PDPR: variants seen among roughly 807,000 people sequenced by gnomAD.
PDPR encodes the protein pyruvate dehydrogenase phosphatase regulatory subunit.
PDPR carries 50 observed loss-of-function variants against 102.2 expected under a neutral mutation model. That is an observed-to-expected ratio of 0.49 (90% confidence interval 0.39 to 0.62). The LOEUF (loss-of-function observed/expected upper bound fraction) is 0.62. PDPR is among the 20% of genes least tolerant of loss of function. PDPR has a pLI of 0.00. For synonymous variants in PDPR, 259 were observed against 406.0 expected, an observed-to-expected ratio of 0.64 and a Z score of 4.35; for missense variants, 625 against 1,098.2, an observed-to-expected ratio of 0.57 and a Z score of 6.09.
In PDPR at chr16:70,156,480, G is replaced by A; in HGVS notation, c.2241G>A (p.Met747Ile). The change falls in exon 19 of 19, where the codon ATG becomes ATA. Residue 747 changes from methionine (M) to isoleucine (I), a missense_variant. By Grantham distance (10) the Met-to-Ile change is conservative (BLOSUM62 1). Transcript: ENST00000288050. ...RESRVKLEKG[M>I]DFIGRDALLQ... ...GCGTTTCCTTTCTTTCTTAGGGCAT[G>A]GATTTCATTGGTCGCGACGCCCTCC... is the stretch of plus-strand genomic sequence containing the variant. The A allele has an allele frequency of 6.2e-7, 1 of 1,613,446 alleles. No homozygotes were observed. Among genetic ancestry groups the A allele is most frequent in the South Asian group, 1.1e-5 (1 of 91,056 alleles).
Position 70,158,173 on chromosome 16 carries a change from G to A in PDPR, c.*1294G>A, listed in dbSNP as rs1967429383. ...CAATGTGGGTGCCCAGAAGTGCCCTGCGCTTTCAGGCAGTGTCTCTGTTTT... is the reference window on the plus strand; with the variant it reads ...CAATGTGGGTGCCCAGAAGTGCCCTACGCTTTCAGGCAGTGTCTCTGTTTT... On this transcript the variant is annotated 3_prime_UTR_variant, in exon 19 of 19. Coordinates refer to ENST00000288050, the MANE Select transcript of PDPR (RefSeq NM_017990.5). 6.6e-6 allele frequency: 1 copy of A among 152,496 alleles called. No homozygotes were observed. The highest frequency in any genetic ancestry group is 1.5e-5 in the Non-Finnish European group (1 of 68,156). The allele number at this position is 152,496 out of a possible 1,614,324, so 9.4% of individuals were successfully genotyped here. A position where few individuals can be genotyped will look rare whatever the true frequency, so the allele number is the denominator to read the frequency against.
chr16:70,124,753 T>TA (rs1963746213), intron 3 of PDPR, among the ~76,000 whole-genome samples: 1 of 152,224 alleles, frequency 6.6e-6, no homozygotes, highest in African/African-American at 2.4e-5. Context: ...TCCACACAGT[T>TA]ACAAAGATGA....
At chr16:70,127,942 C>T (rs575813218) in intron 4 of PDPR, among the ~76,000 whole-genome samples, 45 of 150,870 alleles carry the variant, frequency 3.0e-4, no homozygotes, top group African/African-American at 1.1e-3. Flanking sequence ...CAGGAGCAGC[C>T]TGGCGTGGCT....
chr16:70,126,818 G>A (rs537439758), intron 3 of PDPR, among the ~76,000 whole-genome samples: 1 of 152,260 alleles, frequency 6.6e-6, no homozygotes, highest in Non-Finnish European at 1.5e-5. Context: ...GAGCCACTGT[G>A]CCTGGCCTAA....
chr16:70,163,265 AGTT>A (rs1328724672), downstream of PDPR, among the ~76,000 whole-genome samples: 1 of 139,044 alleles, frequency 7.2e-6, no homozygotes, highest in African/African-American at 2.6e-5. Context: ...ATTTTTGAGT[AGTT>A]TTTTTTTTTT....
At chr16:70,151,621 C>T (rs1388516416) in intron 17 of PDPR, among the ~76,000 whole-genome samples, 1 of 152,280 alleles carries the variant, frequency 6.6e-6, no homozygotes, top group African/African-American at 2.4e-5. Flanking sequence ...GTGGTCAAAC[C>T]TCATCAGGAA....
intron 18 of PDPR, among the ~76,000 whole-genome samples, chr16:70,154,732 C>T (rs11643942): frequency 1.3e-5 from 2 of 152,132 alleles, no homozygotes; most frequent in Non-Finnish European, 2.9e-5. Flanking sequence ...AATGCCCTCT[C>T]ATGCTCAAGT....
chr16:70,148,402 G>A (rs1966410644), intron 16 of PDPR, 62 bp from the exon 17 acceptor site: 2 of 1,151,194 alleles, frequency 1.7e-6, no homozygotes, highest in Non-Finnish European at 2.6e-6. Flanking sequence ...GGTTTCCCCA[G>A]GCGTCCCTCC....
downstream of PDPR, among the ~76,000 whole-genome samples, chr16:70,163,228 G>A (rs113576803): frequency 1.8e-4 from 28 of 151,934 alleles, no homozygotes; most frequent in African/African-American, 4.6e-4. Flanking sequence ...GATTACAGGC[G>A]TGAGCCACTG....
chr16:70,122,908 G>GTT (rs3056427), intron 3 of PDPR, among the ~76,000 whole-genome samples: 10 of 147,944 alleles, frequency 6.8e-5, no homozygotes, highest in South Asian at 2.2e-4. Flanking sequence ...GCAGTGGATA[G>GTT]TTTTTTTTTT....
At chr16:70,154,827 C>CAG (rs1341892798) in intron 18 of PDPR, among the ~76,000 whole-genome samples, 1 of 152,218 alleles carries the variant, frequency 6.6e-6, no homozygotes, top group African/African-American at 2.4e-5. Context: ...TTGGTAAAGA[C>CAG]AGAGTTTCAC....
chr16:70,117,197 T>C (rs1962733708), intron 2 of PDPR, among the ~76,000 whole-genome samples: 2 of 135,612 alleles, frequency 1.5e-5, no homozygotes, highest in South Asian at 4.4e-4. Context: ...TGGTGCATTG[T>C]AACTACTTAT....
rs776532027 is a variant in PDPR at position 70,120,561 on chromosome 16, C to T, written c.69C>T (p.Ser23=). 1.9e-6 allele frequency: 3 copies of T among 1,613,892 alleles called. No individual in the cohort carries two copies. The highest frequency in any genetic ancestry group is 1.3e-5 in the African/African-American group (1 of 74,936). ...QRASPGWQNW[S]SARNSTSAAE... is the part of the protein sequence containing the mutation. ...CCAGCCCAGGATGGCAGAACTGGTC[C>T]TCTGCAAGAAACAGCACGTCAGCTG... Residue 23 remains serine (S), a synonymous_variant, in exon 3 of 19, where the codon TCC becomes TCT. Coordinates refer to ENST00000288050, the MANE Select transcript of PDPR (RefSeq NM_017990.5).
intron 2 of PDPR, 59 bp from the exon 3 acceptor site, chr16:70,120,402 C>A: frequency 2.3e-6 from 2 of 854,894 alleles, no homozygotes; most frequent in East Asian, 2.6e-5. Context: ...AAATCCCTTT[C>A]TCATTAATCC....
At chr16:70,155,208 A>G (rs1484586186) in intron 18 of PDPR, among the ~76,000 whole-genome samples, 1 of 152,156 alleles carries the variant, frequency 6.6e-6, no homozygotes, top group Non-Finnish European at 1.5e-5. Context: ...AAAAAAAGGT[A>G]ATAACCCATT....
At chr16:70,143,455 G>T in intron 13 of PDPR, 55 bp from the exon 14 acceptor site, 1 of 1,595,900 alleles carries the variant, frequency 6.3e-7, no homozygotes. Flanking sequence ...GGGCCATGTG[G>T]CCCAGCCAGG....
At chr16:70,142,152 A>G (rs1702412215) in intron 11 of PDPR, 82 bp from the exon 12 acceptor site, 14 of 1,474,674 alleles carry the variant, frequency 9.5e-6, no homozygotes, top group Admixed American at 2.2e-5. Context: ...AATAGAAACA[A>G]CTCCAGAGTC....
At chr16:70,123,612 C>A (rs1391791981) in intron 3 of PDPR, among the ~76,000 whole-genome samples, 1 of 152,248 alleles carries the variant, frequency 6.6e-6, no homozygotes, top group African/African-American at 2.4e-5. Context: ...TCAGGTATTT[C>A]CACAAAAAGT....
intron 17 of PDPR, among the ~76,000 whole-genome samples, chr16:70,153,028 A>T (rs1426783365): frequency 6.6e-6 from 1 of 152,286 alleles, no homozygotes; most frequent in African/African-American, 2.4e-5. Context: ...TCAGATGAAG[A>T]CCATGGAGGG....
Sources: allele counts gnomAD v4.1 joint callset (sites outside exome capture counted in the v4.1 genomes callset), GRCh38; gene constraint gnomAD v4.1.1; transcripts MANE v1.5; gene names NCBI Gene and HGNC (gene_info 2026-07-23, HGNC 2026-07-21).